The following TRMT44 variants were observed in gnomAD, a reference collection of about 807,000 sequenced individuals.
TRMT44 encodes the protein tRNA methyltransferase 44 homolog, also known as probable tRNA (uracil-O(2)-)-methyltransferase.
In TRMT44, 78 loss-of-function variants were observed where a neutral mutation model predicts 77.3. That is an observed-to-expected ratio of 1.01 (90% CI 0.84 to 1.22). The LOEUF is 1.22. TRMT44 is among the 50% of genes most tolerant of loss of function. The probability of loss-of-function intolerance (pLI) is 0.00; values close to 1 mark genes in which losing one functional copy is unlikely to be tolerated. For missense variants in TRMT44, 1,090 were observed against 964.4 expected (o/e 1.13, Z -1.73); for synonymous variants, 391 against 383.3 (o/e 1.02, Z -0.23).
At chr4:8,475,113 C>A (rs904963876) in intron 10 of TRMT44, among the ~76,000 whole-genome samples, 1 of 152,198 alleles carries the variant, frequency 6.6e-6, no homozygotes, top group African/African-American at 2.4e-5. Flanking sequence ...GGTTGGGAGG[C>A]GCATGTAAAC....
At position 8,465,390 on chromosome 4, in the gene TRMT44, TTGCCGCTTCTTTGTCCTCCCC is replaced by T. The variant is rs1726462939; in HGVS notation, c.1327_1347del (p.Arg443_Cys449del). The T allele has an allele frequency of 3.1e-6, 5 of 1,611,912 alleles. No individual in the cohort carries two copies. In the East Asian group the frequency reaches 6.7e-5, roughly 22 times the overall value. On this transcript the variant is annotated inframe_deletion, in exon 8 of 11. Transcript: ENST00000389737. ...GTTCTTTTTGAAGGTCTTCCTACAATTGCCGCTTCTTTGTCCTCCCCTGCTGCTTCTTTGACTTCATTGGAA... is the reference window on the plus strand; with the variant it reads ...GTTCTTTTTGAAGGTCTTCCTACAATTGCTGCTTCTTTGACTTCATTGGAA...
intron 6 of TRMT44, among the ~76,000 whole-genome samples, chr4:8,456,741 G>A (rs114781286): frequency 2.0e-5 from 3 of 152,304 alleles, no homozygotes; most frequent in Non-Finnish European, 2.9e-5. Flanking sequence ...CAGAAAGAAG[G>A]TGAAGGTTCT....
chr4:8,500,429 G>A, the TRMT44 span, among the ~76,000 whole-genome samples: 8 of 151,766 alleles, frequency 5.3e-5, no homozygotes, highest in African/African-American at 1.7e-4. Context: ...CTGGGAGGCA[G>A]AGGTTGCTGT....
intron 8 of TRMT44, 82 bp downstream of exon 8, chr4:8,465,643 C>A (rs1408790201): frequency 1.1e-5 from 14 of 1,273,724 alleles, no homozygotes; most frequent in Non-Finnish European, 1.4e-5. Flanking sequence ...GAGCCATGAA[C>A]CATGCTGTAA....
intron 6 of TRMT44, among the ~76,000 whole-genome samples, chr4:8,456,250 A>G (rs1725803888): frequency 6.6e-6 from 1 of 152,206 alleles, no homozygotes; most frequent in Non-Finnish European, 1.5e-5. Flanking sequence ...ATGCTGTGTG[A>G]CACCGATCAC....
intron 6 of TRMT44, among the ~76,000 whole-genome samples, chr4:8,460,033 T>G (rs971785251): frequency 2.0e-5 from 3 of 152,204 alleles, no homozygotes; most frequent in African/African-American, 7.2e-5. Context: ...CAGCCAGCCC[T>G]GGGCACTAGA....
Position 8,444,417 on chromosome 4 carries a change from G to A in TRMT44, c.620-2059G>A, listed in dbSNP as rs1165808958. Among the ~76,000 whole-genome samples, 1 of 137,056 alleles carries A rather than the reference G, an allele frequency of 7.3e-6. No homozygotes were observed. Among genetic ancestry groups the A allele is most frequent in the Non-Finnish European group, 1.6e-5 (1 of 63,318 alleles). The allele number at this position is 137,056 out of a possible 152,430, so 89.9% of individuals were successfully genotyped here. ...TTAATTGTACTTTTTTTTTTTTTTTGAGAGTAGTCTCGCTCTGTGGCCCAG... is the reference window on the plus strand; with the variant it reads ...TTAATTGTACTTTTTTTTTTTTTTTAAGAGTAGTCTCGCTCTGTGGCCCAG... On this transcript the variant is annotated intron_variant, in intron 1 of 10. Transcript: ENST00000389737. This position sits in a 1 kb window ranked among gnomAD's most constrained non-coding sequence, Gnocchi z 4.0.
chr4:8,504,509 C>T, the TRMT44 span, among the ~76,000 whole-genome samples: 2 of 152,092 alleles, frequency 1.3e-5, no homozygotes, highest in South Asian at 2.1e-4. The surrounding 1 kb of genome is among the most constrained non-coding windows in gnomAD (Gnocchi z 5.3). Context: ...CCAGCGTGTA[C>T]GGAGCTCCTG....
Position 8,468,067 on chromosome 4 carries a change from A to G in TRMT44, c.1648A>G (p.Ser550Gly), listed in dbSNP as rs116520581. 8 of 1,613,850 alleles carry G rather than the reference A, an allele frequency of 5.0e-6. No homozygotes were observed. Among genetic ancestry groups the G allele is most frequent in the Non-Finnish European group, 5.9e-6 (7 of 1,180,052 alleles). Residue 550 changes from serine to glycine, a missense_variant, in exon 9 of 11, where the codon AGT becomes GGT. Ser to Gly is a moderately conservative substitution (Grantham distance 56, BLOSUM62 0). Transcript: ENST00000389737. Reference protein sequence around the residue: ...SPSPRWVAAGSAGHCDGQQAL... With the variant: ...SPSPRWVAAGGAGHCDGQQAL... ...TTCTCCACGCTGGGTTGCTGCTGGC[A>G]GTGCTGGTCACTGTGACGGTCAGCA...
At chr4:8,501,096 C>G in the TRMT44 span, among the ~76,000 whole-genome samples, 5 of 152,232 alleles carry the variant, frequency 3.3e-5, no homozygotes, top group Admixed American at 2.0e-4. This position sits in a 1 kb window ranked among gnomAD's most constrained non-coding sequence, Gnocchi z 4.4. Context: ...AGGCCCCCAG[C>G]TGTGGGGCAG....
intron 10 of TRMT44, among the ~76,000 whole-genome samples, chr4:8,475,567 G>C (rs745813175): frequency 4.6e-5 from 7 of 152,178 alleles, no homozygotes; most frequent in Non-Finnish European, 1.0e-4. Flanking sequence ...ACCTTCCCCG[G>C]CCTTGCCTGA....
intron 9 of TRMT44, 99 bp from the exon 10 acceptor site, chr4:8,470,985 G>A: frequency 1.3e-6 from 1 of 785,156 alleles, no homozygotes; most frequent in Non-Finnish European, 2.1e-6. Flanking sequence ...CATAACGCGT[G>A]TGAGTGTATG....
At chr4:8,462,656 GA>G (rs2109141812) in intron 6 of TRMT44, among the ~76,000 whole-genome samples, 1 of 152,312 alleles carries the variant, frequency 6.6e-6, no homozygotes, top group East Asian at 1.9e-4. Flanking sequence ...AGTGAGCCGA[GA>G]TCGCGCCACT....
chr4:8,457,200 C>T (rs1169669069), intron 6 of TRMT44, among the ~76,000 whole-genome samples: 1 of 152,146 alleles, frequency 6.6e-6, no homozygotes, highest in East Asian at 1.9e-4. Flanking sequence ...GCTAGGTCTG[C>T]TGTTCTGTGC....
chr4:8,515,206 A>G, the TRMT44 span, among the ~76,000 whole-genome samples: 88 of 152,110 alleles, frequency 5.8e-4, no homozygotes, highest in African/African-American at 1.9e-3. Context: ...AGCTCAAGCA[A>G]TCCTCCCGCC....
chr4:8,477,780 T>TCCTGCAGCCTCGCTGGAGCTCTC (rs1460815446), downstream of TRMT44: 2 of 152,536 alleles, frequency 1.3e-5, no homozygotes, highest in East Asian at 3.9e-4. Context: ...GGCCCCCCAG[T>TCCTGCAGCCTCGCTGGAGCTCTC]CCTGCAGCCT....
the TRMT44 span, among the ~76,000 whole-genome samples, chr4:8,508,564 C>A: frequency 6.6e-6 from 1 of 152,186 alleles, no homozygotes; most frequent in Non-Finnish European, 1.5e-5. Flanking sequence ...CGGAAGTGTC[C>A]GTGGGACTGG....
intron 9 of TRMT44, among the ~76,000 whole-genome samples, chr4:8,470,199 G>T (rs969152978): frequency 6.6e-6 from 1 of 152,356 alleles, no homozygotes; most frequent in African/African-American, 2.4e-5. Context: ...TGAGACAGCC[G>T]AGAGGTGGAC....
intron 9 of TRMT44, 197 bp downstream of exon 9, chr4:8,468,543 C>G: frequency 1.6e-6 from 1 of 612,198 alleles, no homozygotes; most frequent in Non-Finnish European, 2.9e-6. Context: ...ACATAAAGGA[C>G]TTTGTTATTT....
Sources: allele counts gnomAD v4.1 joint callset (sites outside exome capture counted in the v4.1 genomes callset), GRCh38; gene constraint gnomAD v4.1.1; non-coding constraint Gnocchi (gnomAD v3.1); transcripts MANE v1.5; gene names NCBI Gene and HGNC (gene_info 2026-07-23, HGNC 2026-07-21).